Variants in NADK2 observed in about 807,000 individuals in gnomAD.
NADK2 encodes the protein NAD kinase domain-containing protein 1, mitochondrial.
In NADK2, 35 loss-of-function variants were observed where a neutral mutation model predicts 62.1. That is an observed-to-expected ratio of 0.56 (90% CI 0.43 to 0.75). The LOEUF (loss-of-function observed/expected upper bound fraction) is 0.75. Among genes scored for constraint, NADK2 ranks in the 30% least tolerant of loss-of-function variants. The probability of loss-of-function intolerance (pLI) is 0.00; values close to 1 mark genes in which losing one functional copy is unlikely to be tolerated. For synonymous variants in NADK2, 205 were observed against 207.9 expected (o/e 0.99, Z 0.12); for missense variants, 439 against 561.3 (o/e 0.78, Z 2.20).
chr5:36,232,228 T>C (rs1314653969), intron 1 of NADK2, among the ~76,000 whole-genome samples: 1 of 152,198 alleles, frequency 6.6e-6, no homozygotes, highest in East Asian at 1.9e-4. Context: ...TCACAGATGG[T>C]TTTACTTATC....
intron 1 of NADK2, among the ~76,000 whole-genome samples, chr5:36,240,987 G>A (rs1417480224): frequency 1.3e-5 from 2 of 152,204 alleles, no homozygotes; most frequent in African/African-American, 2.4e-5. Flanking sequence ...CAGTCCTGCA[G>A]AGTAAAAGGG....
intron 10 of NADK2, among the ~76,000 whole-genome samples, chr5:36,199,652 T>G (rs1429809516): frequency 6.6e-6 from 1 of 152,072 alleles, no homozygotes; most frequent in African/African-American, 2.4e-5. Context: ...ACCAGCTAGA[T>G]GATCTACTTT....
chr5:36,224,864 T>C (rs1747423099), intron 4 of NADK2, among the ~76,000 whole-genome samples: 1 of 152,130 alleles, frequency 6.6e-6, no homozygotes. Context: ...AAAGTGCCAA[T>C]AGTGTTTTTA....
rs555416234 is a variant in NADK2 at position 36,227,645 on chromosome 5, C to T, written c.301-80G>A. On this transcript the variant is annotated intron_variant, in intron 1 of 11. Coordinates refer to ENST00000381937, the MANE Select transcript of NADK2 (RefSeq NM_001085411.3). Reference sequence around the variant, plus strand: ...CTAATATTATGATTTTTAAAAGCCCCGTATAAAATATAATTTTTTGAAAAT... The same window carrying T: ...CTAATATTATGATTTTTAAAAGCCCTGTATAAAATATAATTTTTTGAAAAT... 29 of 669,882 alleles carry T rather than the reference C, an allele frequency of 4.3e-5. No individual in the cohort carries two copies. The South Asian group carries it at 5.5e-4, about 13-fold the overall frequency. 41.5% of individuals were successfully genotyped at this position (669,882 alleles called of 1,614,324 possible).
Position 36,241,423 on chromosome 5 carries a change from T to TC in NADK2, c.300+75dup. On this transcript the variant is annotated intron_variant, in intron 1 of 11. Coordinates refer to ENST00000381937, the MANE Select transcript of NADK2 (RefSeq NM_001085411.3). The surrounding 1 kb of genome is among the most constrained non-coding windows in gnomAD (Gnocchi z 4.9). Reference sequence around the variant, plus strand: ...CCCTGGGAAGAGTCGTCCCGAGAGGTCCCCCCGAGGGGGCGCAGCCGCCAC... The same window carrying TC: ...CCCTGGGAAGAGTCGTCCCGAGAGGTCCCCCCCGAGGGGGCGCAGCCGCCAC... The TC allele has an allele frequency of 2.1e-6, 3 of 1,428,362 alleles. No individual in the cohort carries two copies. The highest frequency in any genetic ancestry group is 2.7e-6 in the Non-Finnish European group (3 of 1,093,810). The allele number at this position is 1,428,362 out of a possible 1,614,324, so 88.5% of individuals were successfully genotyped here.
chr5:36,196,855 AT>A (rs1197474726), intron 11 of NADK2, among the ~76,000 whole-genome samples: 1 of 152,080 alleles, frequency 6.6e-6, no homozygotes, highest in Non-Finnish European at 1.5e-5. Context: ...AAATTTCCTT[AT>A]TTGTGTCTAA....
chr5:36,196,929 T>A (rs191992724), intron 11 of NADK2, among the ~76,000 whole-genome samples: 87 of 152,178 alleles, frequency 5.7e-4, no homozygotes, highest in Non-Finnish European at 9.6e-4. Context: ...GTCAGCAATT[T>A]GTTAATTGCT....
intron 8 of NADK2, among the ~76,000 whole-genome samples, chr5:36,201,650 T>TA (rs1746451732): frequency 6.6e-6 from 1 of 152,022 alleles, no homozygotes; most frequent in South Asian, 2.1e-4. Context: ...ATATAGTGTA[T>TA]ATGTTGTTTC....
At chr5:36,202,677 C>G (rs559672054) in intron 8 of NADK2, among the ~76,000 whole-genome samples, 6 of 152,156 alleles carry the variant, frequency 3.9e-5, no homozygotes, top group African/African-American at 1.4e-4. Flanking sequence ...ACATGATAAA[C>G]AATACTTCAA....
At chr5:36,208,568 G>T in intron 7 of NADK2, 1 of 1,217,844 alleles carries the variant, frequency 8.2e-7, no homozygotes, top group Non-Finnish European at 1.1e-6. Flanking sequence ...AGATTAGTCA[G>T]TTCATAGAAT....
chr5:36,203,088 T>A (rs147774906), intron 8 of NADK2, among the ~76,000 whole-genome samples: 340 of 152,244 alleles, frequency 2.2e-3, no homozygotes, highest in Non-Finnish European at 4.2e-3. Context: ...TTCAGAGGTC[T>A]ATGGTTTACA....
At position 36,225,526 on chromosome 5, in the gene NADK2, A is replaced by G; in HGVS notation, c.560+16T>C. Reference sequence around the variant, plus strand: ...ACACCACACAAATCAAACAAAATGTATACGTTCTTTCTTACCGTTCTGGAT... The same window carrying G: ...ACACCACACAAATCAAACAAAATGTGTACGTTCTTTCTTACCGTTCTGGAT... On this transcript the variant is annotated intron_variant, in intron 4 of 11. Coordinates refer to ENST00000381937, the MANE Select transcript of NADK2 (RefSeq NM_001085411.3). 3.1e-6 allele frequency: 5 copies of G among 1,604,020 alleles called. No homozygotes were observed. The highest frequency in any genetic ancestry group is 4.3e-6 in the Non-Finnish European group (5 of 1,174,750).
intron 4 of NADK2, among the ~76,000 whole-genome samples, chr5:36,223,562 T>C (rs747427395): frequency 1.3e-5 from 2 of 151,966 alleles, no homozygotes; most frequent in African/African-American, 2.4e-5. Flanking sequence ...AAGAAAAAGG[T>C]ATCATAAATG....
At position 36,217,914 on chromosome 5, in the gene NADK2, G is replaced by A. The variant is rs371150508; in HGVS notation, c.645-30C>T. On this transcript the variant is annotated intron_variant, in intron 5 of 11. Coordinates refer to ENST00000381937, the MANE Select transcript of NADK2 (RefSeq NM_001085411.3). ...GAAAAATGAAGAAAAGGCAAATTAT[G>A]TTAAAATAGAATAAATTAAAGAGTA... 14 of 1,596,328 alleles carry A rather than the reference G, an allele frequency of 8.8e-6. No homozygotes were observed. In the African/African-American group the frequency reaches 1.1e-4, roughly 12 times the overall value.
At chr5:36,203,407 G>A (rs1746517601) in intron 8 of NADK2, among the ~76,000 whole-genome samples, 1 of 152,018 alleles carries the variant, frequency 6.6e-6, no homozygotes, top group South Asian at 2.1e-4. Flanking sequence ...AAAGATGAAT[G>A]GGAATTGCAA....
At position 36,192,631 on chromosome 5, in the gene NADK2, T is replaced by G. The variant is rs1414962348; in HGVS notation, c.*2513A>C. 6.6e-6 allele frequency: 1 copy of G among 152,174 alleles called. No individual in the cohort carries two copies. The highest frequency in any genetic ancestry group is 1.5e-5 in the Non-Finnish European group (1 of 68,026). The allele number at this position is 152,174 out of a possible 1,614,324, so 9.4% of individuals were successfully genotyped here. ...TGATTTAATGTACAGGGGCCATGAA[T>G]GTAAATGCACAAGGAGTATCAAAAA... On this transcript the variant is annotated 3_prime_UTR_variant, in exon 12 of 12. Coordinates refer to ENST00000381937, the MANE Select transcript of NADK2 (RefSeq NM_001085411.3).
At chr5:36,212,151 C>T in intron 6 of NADK2, 1 of 334,424 alleles carries the variant, frequency 3.0e-6, no homozygotes, top group Non-Finnish European at 5.4e-6. Context: ...CAAAATAAAC[C>T]TTAATTCTTC....
chr5:36,228,769 C>T (rs1438623616), intron 1 of NADK2, among the ~76,000 whole-genome samples: 2 of 151,318 alleles, frequency 1.3e-5, no homozygotes, highest in Non-Finnish European at 2.9e-5. Flanking sequence ...CAAGTGCACA[C>T]CACCACAACC....
chr5:36,206,433 A>T (rs144050635), intron 8 of NADK2, among the ~76,000 whole-genome samples: 1 of 152,006 alleles, frequency 6.6e-6, no homozygotes, highest in East Asian at 1.9e-4. Flanking sequence ...AGCAGTAGAA[A>T]CCCAAAAAAG....
Sources: gnomAD v4.1 joint callset for allele counts (sites outside exome capture counted in the v4.1 genomes callset) on GRCh38, gnomAD v4.1.1 for gene constraint, Gnocchi (gnomAD v3.1) non-coding constraint, MANE v1.5 for transcripts, NCBI Gene and HGNC (gene_info 2026-07-23, HGNC 2026-07-21) for gene names.